The following NEK7 variants were observed in gnomAD, a reference collection of about 807,000 sequenced individuals.
NEK7 encodes NIMA related kinase 7, also known as serine/threonine-protein kinase Nek7.
A neutral mutation model predicts 44.6 loss-of-function variants in NEK7; 18 were observed. That is an observed-to-expected ratio of 0.40 (90% CI 0.28 to 0.60). The LOEUF is 0.60. NEK7 is among the 20% of genes least tolerant of loss of function. The probability of loss-of-function intolerance (pLI) is 0.38; values close to 1 mark genes in which losing one functional copy is unlikely to be tolerated. For missense variants in NEK7, 256 were observed against 366.5 expected (o/e 0.70, Z 2.46); for synonymous variants, 130 against 121.1 (o/e 1.07, Z -0.48).
chr1:198,240,499 CAAA>C (rs11415702), intron 2 of NEK7, among the ~76,000 whole-genome samples: 3 of 123,358 alleles, frequency 2.4e-5, no homozygotes, highest in Non-Finnish European at 5.7e-5. Flanking sequence ...GACTCCGTCT[CAAA>C]AAAAAAAAAA....
At chr1:198,278,358 TAAAC>T (rs1468999686) in intron 6 of NEK7, among the ~76,000 whole-genome samples, 1 of 151,530 alleles carries the variant, frequency 6.6e-6, no homozygotes, top group South Asian at 2.1e-4. Flanking sequence ...TTTCTTCAAA[TAAAC>T]AATGTATATC....
intron 1 of NEK7, among the ~76,000 whole-genome samples, chr1:198,207,808 AT>A (rs1236211657): frequency 6.6e-6 from 1 of 152,224 alleles, no homozygotes; most frequent in Non-Finnish European, 1.5e-5. Flanking sequence ...TAAAATGGCA[AT>A]TTAATTGTAT....
At position 198,227,439 on chromosome 1, in the gene NEK7, G is replaced by A. The variant is rs1266850218; in HGVS notation, c.-28-5114G>A. On this transcript the variant is annotated intron_variant, in intron 1 of 9. Transcript: ENST00000367385. ...TCTAGTTCTAGATCCCTGAGGAATC[G>A]CCACACTGACTTCCACAATGGTTGA... is the stretch of plus-strand genomic sequence containing the variant. Among the ~76,000 whole-genome samples, 94 of 152,228 alleles carry A rather than the reference G, an allele frequency of 6.2e-4. 1 individual carries two copies. The highest frequency in any genetic ancestry group is 9.7e-4 in the East Asian group (5 of 5,166).
chr1:198,227,458 T>G (rs895432518), intron 1 of NEK7, among the ~76,000 whole-genome samples: 10 of 152,204 alleles, frequency 6.6e-5, no homozygotes, highest in African/African-American at 9.6e-5. Context: ...ACTTCCACAA[T>G]GGTTGAACTA....
intron 9 of NEK7, among the ~76,000 whole-genome samples, chr1:198,312,532 G>A (rs962043067): frequency 3.2e-4 from 49 of 150,782 alleles, no homozygotes; most frequent in African/African-American, 5.7e-4. Context: ...TGTGATGTTA[G>A]GGTGTCAGTT....
chr1:198,165,668 A>G (rs879638726), intron 1 of NEK7, among the ~76,000 whole-genome samples: 15 of 152,220 alleles, frequency 9.9e-5, no homozygotes, highest in Admixed American at 3.3e-4. Flanking sequence ...GAGTAGATTT[A>G]GCATAATTCT....
intron 1 of NEK7, among the ~76,000 whole-genome samples, chr1:198,195,116 T>C (rs114263260): frequency 1.3e-5 from 2 of 152,280 alleles, no homozygotes; most frequent in East Asian, 3.9e-4. Flanking sequence ...GGAGTTTTTT[T>C]GGGGAAGGTT....
intron 2 of NEK7, among the ~76,000 whole-genome samples, chr1:198,249,504 C>T (rs1652835916): frequency 6.6e-6 from 1 of 152,034 alleles, no homozygotes; most frequent in East Asian, 1.9e-4. Context: ...TATAGTCCCA[C>T]CAACAGTGTA....
intron 5 of NEK7, among the ~76,000 whole-genome samples, chr1:198,267,406 A>C (rs1653690283): frequency 6.6e-6 from 1 of 152,058 alleles, no homozygotes; most frequent in Non-Finnish European, 1.5e-5. Context: ...AAATTAAATA[A>C]GGAGTTTGGA....
intron 7 of NEK7, among the ~76,000 whole-genome samples, chr1:198,287,419 A>G (rs1488877859): frequency 1.3e-5 from 2 of 152,158 alleles, no homozygotes; most frequent in Non-Finnish European, 2.9e-5. Context: ...ACAAACAAAA[A>G]AAAGCTAGAG....
intron 3 of NEK7, among the ~76,000 whole-genome samples, chr1:198,260,518 G>A (rs566661448): frequency 6.6e-6 from 1 of 151,746 alleles, no homozygotes; most frequent in East Asian, 1.9e-4. Flanking sequence ...TACTGTGGCT[G>A]ACATGGTTAG....
At chr1:198,172,761 G>C (rs1664487174) in intron 1 of NEK7, among the ~76,000 whole-genome samples, 1 of 152,190 alleles carries the variant, frequency 6.6e-6, no homozygotes, top group African/African-American at 2.4e-5. Context: ...TCATCATAGA[G>C]CCTAGTGCTG....
chr1:198,187,482 C>T (rs768441926), intron 1 of NEK7, among the ~76,000 whole-genome samples: 1 of 152,144 alleles, frequency 6.6e-6, no homozygotes, highest in Non-Finnish European at 1.5e-5. Flanking sequence ...TTCAGATACT[C>T]CCGTGGCTGC....
rs768178288 is a variant in NEK7, at chr1:198,283,480, T to A, written c.589+4419T>A. ...TAAACGGTTGTTTGGTTTTTTTTGG[T>A]CTCCTTATCCTCCTCCCACCTTCAC... On this transcript the variant is annotated intron_variant, in intron 7 of 9. Transcript: ENST00000367385. Among the ~76,000 whole-genome samples the A allele has an allele frequency of 2.0e-5, 3 of 152,134 alleles. 1 individual carries two copies. Among genetic ancestry groups the A allele is most frequent in the African/African-American group, 7.2e-5 (3 of 41,526 alleles).
At chr1:198,167,103 T>G (rs1206785704) in intron 1 of NEK7, among the ~76,000 whole-genome samples, 1 of 152,204 alleles carries the variant, frequency 6.6e-6, no homozygotes, top group African/African-American at 2.4e-5. Context: ...AGAATGTGGC[T>G]CATGCCTTTC....
At position 198,297,230 on chromosome 1, in the gene NEK7, A is replaced by G; in HGVS notation, c.788A>G (p.Tyr263Cys). 1 of 1,613,194 alleles carries G rather than the reference A, an allele frequency of 6.2e-7. No homozygotes were observed. The highest frequency in any genetic ancestry group is 8.5e-7 in the Non-Finnish European group (1 of 1,179,528). ...TACCCACCTCTTCCTTCAGATCACT[A>G]TTCAGAAGAAGTAAGTCATTTTCAG... Reference protein sequence around the residue: ...CDYPPLPSDHYSEELRQLVNM... With the variant: ...CDYPPLPSDHCSEELRQLVNM... Residue 263 changes from tyrosine (Y) to cysteine (C), a missense_variant, in exon 9 of 10, where the codon TAT (tyrosine) becomes TGT (cysteine). Coordinates refer to ENST00000367385, the MANE Select transcript of NEK7 (RefSeq NM_133494.3).
intron 2 of NEK7, 46 bp downstream of exon 2, chr1:198,232,683 T>TTAA (rs2102874008): frequency 9.0e-7 from 1 of 1,107,240 alleles, no homozygotes; most frequent in Admixed American, 1.8e-5. Context: ...ATAATCTGTG[T>TTAA]TAAATATGTG....
chr1:198,217,598 A>C (rs1665957778), intron 1 of NEK7, among the ~76,000 whole-genome samples: 1 of 152,102 alleles, frequency 6.6e-6, no homozygotes, highest in African/African-American at 2.4e-5. Flanking sequence ...GCTATCAGGC[A>C]AGAGACGGAA....
intron 1 of NEK7, among the ~76,000 whole-genome samples, chr1:198,200,141 A>G (rs1312639245): frequency 6.6e-6 from 1 of 152,184 alleles, no homozygotes; most frequent in African/African-American, 2.4e-5. Context: ...TTTAATTAGG[A>G]CTTCTATTGT....
Sources: gnomAD v4.1 joint callset for allele counts (sites outside exome capture counted in the v4.1 genomes callset) on GRCh38, gnomAD v4.1.1 for gene constraint, MANE v1.5 for transcripts, NCBI Gene and HGNC (gene_info 2026-07-23, HGNC 2026-07-21) for gene names.